EPC2: variants seen among roughly 807,000 people sequenced by gnomAD.
EPC2 encodes enhancer of polycomb 2.
EPC2 carries 14 observed loss-of-function variants against 92.1 expected under a neutral mutation model. That is an observed-to-expected ratio of 0.15 (90% CI 0.10 to 0.24). EPC2 has a LOEUF of 0.24. EPC2 is among the 10% of genes least tolerant of loss of function. The pLI, the probability that EPC2 is intolerant of heterozygous loss-of-function variation, is 1.00. For missense variants in EPC2, 755 were observed against 971.5 expected, an observed-to-expected ratio of 0.78 and a Z score of 2.96; for synonymous variants, 340 against 334.7, an observed-to-expected ratio of 1.02 and a Z score of -0.17.
rs544430924 is a variant in EPC2 at position 148,707,435 on chromosome 2, T to C, written c.313+17062T>C. On this transcript the variant is annotated intron_variant, in intron 2 of 13. Transcript: ENST00000258484. ...CACCCCACTGTCAACATTAGACAAA[T>C]CAACAAGACAGAAGGTTAACAAGGA... Among the ~76,000 whole-genome samples the C allele has an allele frequency of 1.4e-4, 22 of 152,214 alleles. No individual in the cohort carries two copies. The East Asian group carries it at 4.1e-3, about 28-fold the overall frequency.
At chr2:148,721,809 G>GT (rs1682380430) in intron 2 of EPC2, among the ~76,000 whole-genome samples, 2 of 142,264 alleles carry the variant, frequency 1.4e-5, no homozygotes, top group Admixed American at 1.4e-4. Flanking sequence ...GCTGTGTCCA[G>GT]TCTACTAGTG....
chr2:148,662,671 G>C (rs1031279344), intron 1 of EPC2, among the ~76,000 whole-genome samples: 1 of 151,952 alleles, frequency 6.6e-6, no homozygotes, highest in Non-Finnish European at 1.5e-5. Context: ...CTGTTGTGGG[G>C]TGGGGGGAGG....
intron 3 of EPC2, among the ~76,000 whole-genome samples, chr2:148,745,273 T>C (rs1682963420): frequency 6.6e-6 from 1 of 152,084 alleles, no homozygotes; most frequent in African/African-American, 2.4e-5. Flanking sequence ...CCTTTTGGTA[T>C]GTTTATGATT....
Position 148,786,943 on chromosome 2 carries a change from A to C in EPC2, c.*566A>C, listed in dbSNP as rs1438451763. The C allele has an allele frequency of 6.5e-6, 1 of 152,876 alleles. No individual in the cohort carries two copies. Among genetic ancestry groups the C allele is most frequent in the African/African-American group, 2.4e-5 (1 of 41,454 alleles). The allele number at this position is 152,876 out of a possible 1,614,324, so 9.5% of individuals were successfully genotyped here. On this transcript the variant is annotated 3_prime_UTR_variant, in exon 14 of 14. Coordinates refer to ENST00000258484, the MANE Select transcript of EPC2 (RefSeq NM_015630.4). ...ACTGTCAAATATGAAGTTCAAGGCA[A>C]AATAGTATTTTCTATTACTGTGCAG...
At chr2:148,676,127 GT>G (rs11340588) in intron 1 of EPC2, among the ~76,000 whole-genome samples, 5,066 of 146,384 alleles carry the variant, frequency 0.035, 268 homozygotes, top group African/African-American at 0.12. Context: ...GAATTACTTA[GT>G]TTTTTTTTTT....
Position 148,783,604 on chromosome 2 carries a change from G to A in EPC2, c.1865G>A (p.Ser622Asn). 2 of 1,605,560 alleles carry A rather than the reference G, an allele frequency of 1.2e-6. No homozygotes were observed. The highest frequency in any genetic ancestry group is 1.7e-6 in the Non-Finnish European group (2 of 1,175,632). Residue 622 changes from serine (S) to asparagine (N), a missense_variant, in exon 12 of 14, where the codon AGC (serine) becomes AAC (asparagine). By Grantham distance (46) the Ser-to-Asn change is conservative. Coordinates refer to ENST00000258484, the MANE Select transcript of EPC2 (RefSeq NM_015630.4). ...ACTTTGTTCATTTTATAGGGCTCAA[G>A]CACCTCTGACTGTATGTCTAAAACA... ...QQTHPKAQGSSTSDCMSKTLD... is the reference protein window; with the variant it reads ...QQTHPKAQGSNTSDCMSKTLD...
At chr2:148,651,267 C>T (rs954277566) in intron 1 of EPC2, among the ~76,000 whole-genome samples, 1 of 152,212 alleles carries the variant, frequency 6.6e-6, no homozygotes, top group African/African-American at 2.4e-5. Context: ...TAGATGCTTT[C>T]TGTCAATCAT....
chr2:148,720,569 AGC>A, intron 2 of EPC2, among the ~76,000 whole-genome samples: 4 of 152,218 alleles, frequency 2.6e-5, no homozygotes, highest in Non-Finnish European at 2.9e-5. Context: ...ATGCCTGAGC[AGC>A]TGCTCTGCTG....
In EPC2 at chr2:148,764,939, A is replaced by G; in HGVS notation, c.949-16A>G. 7.0e-7 allele frequency: 1 copy of G among 1,425,754 alleles called. No homozygotes were observed. Among genetic ancestry groups the G allele is most frequent in the Non-Finnish European group, 9.2e-7 (1 of 1,081,690 alleles). 88.3% of individuals were successfully genotyped at this position (1,425,754 alleles called of 1,614,324 possible). A position where few individuals can be genotyped will look rare whatever the true frequency, so the allele number is the denominator to read the frequency against. Reference sequence around the variant, plus strand: ...TTTATTTCTTCCTTTTGGGGGAAAAATCGTCATGTAAACAGCACCCTCATC... The same window carrying G: ...TTTATTTCTTCCTTTTGGGGGAAAAGTCGTCATGTAAACAGCACCCTCATC... On this transcript the variant is annotated splice_polypyrimidine_tract_variant and intron_variant, in intron 6 of 13. Transcript: ENST00000258484.
intron 2 of EPC2, among the ~76,000 whole-genome samples, chr2:148,716,319 A>G (rs1558818677): frequency 6.6e-6 from 1 of 152,162 alleles, no homozygotes; most frequent in Non-Finnish European, 1.5e-5. Flanking sequence ...TTCAAGGGGA[A>G]TGCTTCCAGC....
chr2:148,779,967 T>TC (rs1200280599), intron 10 of EPC2, among the ~76,000 whole-genome samples: 8 of 152,198 alleles, frequency 5.3e-5, no homozygotes, highest in Non-Finnish European at 1.2e-4. Flanking sequence ...AAACTATTTT[T>TC]CATCTCTTTC....
chr2:148,726,817 T>G (rs751643844), intron 2 of EPC2, among the ~76,000 whole-genome samples: 1 of 150,762 alleles, frequency 6.6e-6, no homozygotes, highest in Non-Finnish European at 1.5e-5. Flanking sequence ...GTTCTTTATA[T>G]ATTTGGATAT....
rs938062781 is a variant in EPC2, at chr2:148,748,824, T to G, written c.459+5057T>G. Among the ~76,000 whole-genome samples the G allele has an allele frequency of 2.0e-5, 3 of 152,152 alleles. No individual in the cohort carries two copies. In the East Asian group the frequency reaches 5.8e-4, roughly 29 times the overall value. ...ATCATGTTGGGACTCAAAAAAAAAT[T>G]GATTTTGGAGCATTTCAGATTTATA... On this transcript the variant is annotated intron_variant, in intron 3 of 13. Transcript: ENST00000258484.
intron 10 of EPC2, among the ~76,000 whole-genome samples, chr2:148,773,049 A>G (rs947637873): frequency 6.6e-6 from 1 of 152,154 alleles, no homozygotes; most frequent in Non-Finnish European, 1.5e-5. Context: ...ACATTGTCAG[A>G]TATTTGCAGC....
intron 8 of EPC2, 31 bp downstream of exon 8, chr2:148,769,271 T>G: frequency 2.0e-6 from 3 of 1,505,036 alleles, no homozygotes; most frequent in Non-Finnish European, 2.7e-6. Context: ...GTGGTGTTTT[T>G]GTGAACTGGA....
At position 148,764,028 on chromosome 2, in the gene EPC2, A is replaced by G. The variant is rs142181733; in HGVS notation, c.949-927A>G. ...CATGGTTAATTATATTTACTTTGTC[A>G]TGTATCCCACTTTAAAATATGGGAA... On this transcript the variant is annotated intron_variant, in intron 6 of 13. Transcript: ENST00000258484. 8.8e-4 allele frequency among the ~76,000 whole-genome samples: 134 copies of G among 152,272 alleles called. No homozygotes were observed. In the East Asian group the frequency reaches 0.023, roughly 27 times the overall value.
At chr2:148,756,395 C>T (rs924941569) in intron 4 of EPC2, among the ~76,000 whole-genome samples, 3 of 152,116 alleles carry the variant, frequency 2.0e-5, no homozygotes, top group Admixed American at 6.5e-5. Context: ...AATGAATACT[C>T]CCTAGGTGTT....
intron 2 of EPC2, among the ~76,000 whole-genome samples, chr2:148,693,404 T>C (rs961062319): frequency 3.9e-5 from 6 of 152,140 alleles, no homozygotes; most frequent in African/African-American, 1.4e-4. Context: ...CTGTTGTAAT[T>C]ACTATCCATT....
chr2:148,770,718 A>G (rs1384564616), intron 8 of EPC2, 74 bp from the exon 9 acceptor site: 1 of 1,441,900 alleles, frequency 6.9e-7, no homozygotes, highest in Non-Finnish European at 9.2e-7. Context: ...CTTCATGTTT[A>G]TCATGATCTA....
Sources: allele counts gnomAD v4.1 joint callset (sites outside exome capture counted in the v4.1 genomes callset), GRCh38; gene constraint gnomAD v4.1.1; transcripts MANE v1.5; gene names NCBI Gene and HGNC (gene_info 2026-07-23, HGNC 2026-07-21).